The following CNBD1 variants were observed in gnomAD, a reference collection of about 807,000 sequenced individuals.
CNBD1 encodes the protein cyclic nucleotide binding domain containing 1, also known as cyclic nucleotide-binding domain-containing protein 1.
CNBD1 carries 71 observed loss-of-function variants against 54.4 expected under a neutral mutation model. That is an observed-to-expected ratio of 1.30 (90% CI 1.08 to 1.59). The LOEUF (loss-of-function observed/expected upper bound fraction) is 1.59. CNBD1 is among the 40% of genes most tolerant of loss of function. CNBD1 has a pLI of 0.00. For missense variants in CNBD1, 659 were observed against 518.0 expected (o/e 1.27, Z -2.64); for synonymous variants, 182 against 170.7 (o/e 1.07, Z -0.51).
At chr8:87,345,831 A>G (rs1810163636) in intron 8 of CNBD1, among the ~76,000 whole-genome samples, 1 of 152,160 alleles carries the variant, frequency 6.6e-6, no homozygotes, top group Non-Finnish European at 1.5e-5. Flanking sequence ...CACCCAGAGT[A>G]ATTAAGTCTG....
chr8:87,162,365 G>A (rs767908438), intron 4 of CNBD1, among the ~76,000 whole-genome samples: 14 of 151,904 alleles, frequency 9.2e-5, no homozygotes, highest in Non-Finnish European at 1.8e-4. Flanking sequence ...AATCACTAAG[G>A]TTTATTTTCT....
At chr8:87,269,813 C>T (rs1269053204) in intron 6 of CNBD1, among the ~76,000 whole-genome samples, 1 of 151,946 alleles carries the variant, frequency 6.6e-6, no homozygotes, top group East Asian at 1.9e-4. Flanking sequence ...CAGATGGATT[C>T]ATAATTGAAT....
chr8:86,955,150 A>C (rs1199721732), intron 4 of CNBD1, among the ~76,000 whole-genome samples: 1 of 152,162 alleles, frequency 6.6e-6, no homozygotes, highest in African/African-American at 2.4e-5. Context: ...ACGTCCCTAC[A>C]AAGGACATGA....
intron 8 of CNBD1, among the ~76,000 whole-genome samples, chr8:87,317,942 G>A (rs1449372459): frequency 3.3e-5 from 5 of 151,576 alleles, no homozygotes; most frequent in East Asian, 3.9e-4. Context: ...TTCTATTGGT[G>A]TGTCTTCAAG....
rs1447052572 is a variant in CNBD1, at chr8:87,332,860, T to A, written c.1043-18825T>A. 2.6e-5 allele frequency among the ~76,000 whole-genome samples: 4 copies of A among 152,144 alleles called. No homozygotes were observed. In the South Asian group the frequency reaches 8.3e-4, roughly 31 times the overall value. On this transcript the variant is annotated intron_variant, in intron 8 of 10. Coordinates refer to ENST00000518476, the MANE Select transcript of CNBD1 (RefSeq NM_173538.3). ...AGGATTGCCTTTGCTATGCAGGCCGTTTTTTGGTTCCATATGAATTTTAAA... is the reference window on the plus strand; with the variant it reads ...AGGATTGCCTTTGCTATGCAGGCCGATTTTTGGTTCCATATGAATTTTAAA...
chr8:87,265,903 G>T lies in CNBD1; in HGVS notation c.772-18775G>T, dbSNP rs560062101. 5.3e-5 allele frequency among the ~76,000 whole-genome samples: 8 copies of T among 152,110 alleles called. No homozygotes were observed. The South Asian group carries it at 1.7e-3, about 32-fold the overall frequency. ...AAAACATTCTTGTAAACACATTGTT[G>T]ATTTGGCAATAAAACAAAAAATTCC... On this transcript the variant is annotated intron_variant, in intron 6 of 10. Coordinates refer to ENST00000518476, the MANE Select transcript of CNBD1 (RefSeq NM_173538.3).
chr8:87,111,046 T>C (rs186492038), intron 4 of CNBD1, among the ~76,000 whole-genome samples: 9 of 152,332 alleles, frequency 5.9e-5, no homozygotes, highest in African/African-American at 1.7e-4. Context: ...GTAAAATAAA[T>C]TGAGATATAA....
chr8:87,389,712 A>G (rs1811268577), intron 2 of CNBD1, among the ~76,000 whole-genome samples: 1 of 152,240 alleles, frequency 6.6e-6, no homozygotes, highest in South Asian at 2.1e-4. Flanking sequence ...ATCCCCATCA[A>G]GATACCAATG....
At chr8:87,418,484 A>G (rs1807872751) in intron 2 of CNBD1, among the ~76,000 whole-genome samples, 1 of 152,012 alleles carries the variant, frequency 6.6e-6, no homozygotes, top group South Asian at 2.1e-4. Flanking sequence ...TTAAAGCACA[A>G]ACAACCAAAG....
chr8:87,303,780 A>G (rs1809075559), intron 8 of CNBD1, among the ~76,000 whole-genome samples: 1 of 127,394 alleles, frequency 7.8e-6, no homozygotes, highest in Non-Finnish European at 1.8e-5. Context: ...GAACTCAAAC[A>G]AATTTACAAG....
At chr8:87,327,514 T>G (rs997219113) in intron 8 of CNBD1, among the ~76,000 whole-genome samples, 9 of 151,974 alleles carry the variant, frequency 5.9e-5, no homozygotes, top group Non-Finnish European at 7.4e-5. Flanking sequence ...TGGTGCGCCG[T>G]TTTTTAAGCC....
intron 3 of CNBD1, among the ~76,000 whole-genome samples, chr8:86,938,168 G>A (rs889734826): frequency 6.6e-6 from 1 of 152,156 alleles, no homozygotes; most frequent in Non-Finnish European, 1.5e-5. Context: ...CATAGCAAGA[G>A]TCACCTTTAT....
intron 10 of CNBD1, among the ~76,000 whole-genome samples, chr8:87,361,178 T>A (rs556610011): frequency 6.6e-6 from 1 of 152,118 alleles, no homozygotes. Flanking sequence ...CACTTATTTT[T>A]AAATCAGATA....
chr8:87,123,400 G>A (rs1030726277), intron 4 of CNBD1, among the ~76,000 whole-genome samples: 1 of 151,582 alleles, frequency 6.6e-6, no homozygotes, highest in Non-Finnish European at 1.5e-5. Flanking sequence ...AATTAAACAC[G>A]ATGCTCCTAA....
chr8:87,232,011 T>C (rs1035544830), intron 5 of CNBD1, among the ~76,000 whole-genome samples: 1 of 152,208 alleles, frequency 6.6e-6, no homozygotes, highest in African/African-American at 2.4e-5. Flanking sequence ...TTTAAAACTT[T>C]GTAATGAAGT....
At chr8:86,952,977 A>T (rs186661722) in intron 4 of CNBD1, among the ~76,000 whole-genome samples, 261 of 152,318 alleles carry the variant, frequency 1.7e-3, no homozygotes, top group African/African-American at 5.5e-3. Flanking sequence ...TAATACATGG[A>T]ATTAAATAGT....
At chr8:86,974,362 T>A (rs1298916283) in intron 4 of CNBD1, among the ~76,000 whole-genome samples, 1 of 152,062 alleles carries the variant, frequency 6.6e-6, no homozygotes, top group Non-Finnish European at 1.5e-5. Context: ...AGATAAACAT[T>A]CCCATAGTTA....
intron 2 of CNBD1, among the ~76,000 whole-genome samples, chr8:87,406,577 T>G (rs1300541641): frequency 6.6e-5 from 10 of 151,542 alleles, no homozygotes. Context: ...CCTCCTGGGT[T>G]CAAGTGATTC....
chr8:87,409,684 C>G (rs1435752873), intron 2 of CNBD1, among the ~76,000 whole-genome samples: 1 of 152,202 alleles, frequency 6.6e-6, no homozygotes, highest in East Asian at 1.9e-4. Flanking sequence ...TGAAGCTAAT[C>G]CTCATTTACC....
Sources: allele counts gnomAD v4.1 joint callset (sites outside exome capture counted in the v4.1 genomes callset), GRCh38; gene constraint gnomAD v4.1.1; transcripts MANE v1.5; gene names NCBI Gene and HGNC (gene_info 2026-07-23, HGNC 2026-07-21).